ABCC9: variants seen among roughly 807,000 people sequenced by gnomAD.
ABCC9 encodes the protein ATP-binding cassette sub-family C member 9.
ABCC9 carries 95 observed loss-of-function variants against 188.3 expected under a neutral mutation model. The observed-to-expected ratio is 0.50, with a 90% CI of 0.43 to 0.60. The LOEUF is 0.60. Among genes scored for constraint, ABCC9 ranks in the 20% least tolerant of loss-of-function variants. The probability of loss-of-function intolerance (pLI) is 0.00; values close to 1 mark genes in which losing one functional copy is unlikely to be tolerated. For missense variants in ABCC9, 1,102 were observed against 1,876.3 expected (o/e 0.59, Z 7.62); for synonymous variants, 659 against 652.7 (o/e 1.01, Z -0.15).
intron 18 of ABCC9, among the ~76,000 whole-genome samples, chr12:21,865,525 G>T (rs190853959): frequency 4.7e-4 from 71 of 152,246 alleles, no homozygotes; most frequent in Non-Finnish European, 8.7e-4. Context: ...TTTGTTTTCT[G>T]TGGTATAAAT....
At chr12:21,933,658 A>G (rs1565498868) in intron 4 of ABCC9, 124 bp downstream of exon 4, 1 of 1,060,092 alleles carries the variant, frequency 9.4e-7, no homozygotes, top group Non-Finnish European at 1.4e-6. Context: ...TGCAAGAGCT[A>G]CATGGATCAG....
At position 21,872,750 on chromosome 12, in the gene ABCC9, G is replaced by A; in HGVS notation, c.2093-20C>T. 5 of 1,509,108 alleles carry A rather than the reference G, an allele frequency of 3.3e-6. No homozygotes were observed. Among genetic ancestry groups the A allele is most frequent in the Non-Finnish European group, 4.6e-6 (5 of 1,084,336 alleles). 93.5% of individuals were successfully genotyped at this position (1,509,108 alleles called of 1,614,324 possible). A position where few individuals can be genotyped will look rare whatever the true frequency, so the allele number is the denominator to read the frequency against. On this transcript the variant is annotated intron_variant, in intron 17 of 39. Transcript: ENST00000261200. Reference sequence around the variant, plus strand: ...ACTGACCTAGGAAAGCAAAACAAAGGATAACTACAGAATGAGATGGATTCT... The same window carrying A: ...ACTGACCTAGGAAAGCAAAACAAAGAATAACTACAGAATGAGATGGATTCT...
chr12:21,865,091 C>A (rs1263367553), intron 18 of ABCC9, among the ~76,000 whole-genome samples: 1 of 152,110 alleles, frequency 6.6e-6, no homozygotes, highest in Non-Finnish European at 1.5e-5. Context: ...TGAGGAAAGA[C>A]ACCTGAAGAC....
chr12:21,823,088 T>A (rs540559199), intron 31 of ABCC9, among the ~76,000 whole-genome samples: 1 of 152,232 alleles, frequency 6.6e-6, no homozygotes, highest in African/African-American at 2.4e-5. Flanking sequence ...TCCATCCAAA[T>A]GATACAATGA....
intron 14 of ABCC9, among the ~76,000 whole-genome samples, chr12:21,891,153 G>A (rs1347408469): frequency 1.3e-5 from 2 of 152,058 alleles, no homozygotes; most frequent in African/African-American, 4.8e-5. Flanking sequence ...ACTCCCTGCA[G>A]ATTTCAGTCT....
At chr12:21,829,434 C>T (rs903896586) in intron 30 of ABCC9, among the ~76,000 whole-genome samples, 2 of 152,076 alleles carry the variant, frequency 1.3e-5, no homozygotes, top group African/African-American at 2.4e-5. Context: ...ATCTCCTGAC[C>T]TTGTGATCCG....
intron 5 of ABCC9, among the ~76,000 whole-genome samples, chr12:21,917,697 C>T (rs148008392): frequency 3.9e-5 from 6 of 152,238 alleles, no homozygotes; most frequent in African/African-American, 1.2e-4. Context: ...CGAACTGAAA[C>T]GTCAAGTACT....
intron 20 of ABCC9, among the ~76,000 whole-genome samples, chr12:21,861,376 G>A (rs901899484): frequency 1.3e-5 from 2 of 151,946 alleles, no homozygotes; most frequent in South Asian, 2.1e-4. Flanking sequence ...GATTACAGAT[G>A]TGCACCACCA....
At position 21,882,793 on chromosome 12, in the gene ABCC9, GGGAC is replaced by G; in HGVS notation, c.1988_1991del (p.Arg663ProfsTer9). On this transcript the variant is annotated frameshift_variant, in exon 16 of 40. Transcript: ENST00000261200. LOFTEE classifies it high-confidence loss of function. Reference sequence around the variant, plus strand: ...TTATTGCAATGTCCTCTGTTTCTGCGGGACGTAGACGCCGTGTTGATTGCTCATA... The same window carrying G: ...TTATTGCAATGTCCTCTGTTTCTGCGGTAGACGCCGTGTTGATTGCTCATA... 1 of 1,613,514 alleles carries G rather than the reference GGGAC, an allele frequency of 6.2e-7. No individual in the cohort carries two copies. The highest frequency in any genetic ancestry group is 2.2e-5 in the East Asian group (1 of 44,868).
chr12:21,884,216 T>G (rs1781079607), intron 15 of ABCC9, among the ~76,000 whole-genome samples: 1 of 151,822 alleles, frequency 6.6e-6, no homozygotes, highest in Admixed American at 6.6e-5. Flanking sequence ...AGACTACAGG[T>G]GCATTTGCCA....
At chr12:21,842,666 G>A (rs969429740) in intron 28 of ABCC9, among the ~76,000 whole-genome samples, 195 bp from the exon 29 acceptor site, 39 of 152,050 alleles carry the variant, frequency 2.6e-4, no homozygotes, top group African/African-American at 8.7e-4. Context: ...TCAACATGTC[G>A]TTGATTAGTT....
intron 12 of ABCC9, among the ~76,000 whole-genome samples, chr12:21,904,276 T>C (rs575847409): frequency 2.0e-3 from 301 of 152,202 alleles, no homozygotes; most frequent in African/African-American, 6.6e-3. Context: ...CAAAAAATAA[T>C]TCAAAATGGA....
intron 22 of ABCC9, among the ~76,000 whole-genome samples, chr12:21,854,943 G>A (rs933203452): frequency 8.5e-5 from 13 of 152,130 alleles, no homozygotes; most frequent in African/African-American, 2.9e-4. Context: ...CAACAATGCA[G>A]CAAGGATATA....
intron 22 of ABCC9, among the ~76,000 whole-genome samples, chr12:21,855,207 ATATTTATTTATTTATT>A (rs534847124): frequency 6.6e-6 from 1 of 151,910 alleles, no homozygotes; most frequent in East Asian, 1.9e-4. Flanking sequence ...TAAAATTCTG[ATATTTATTTATTTATT>A]TATTTATTTA....
rs2137892895 is a variant in ABCC9 at position 21,913,079 on chromosome 12, A to T, written c.817-13T>A. 6.3e-7 allele frequency: 1 copy of T among 1,594,184 alleles called. No homozygotes were observed. Among genetic ancestry groups the T allele is most frequent in the Non-Finnish European group, 8.5e-7 (1 of 1,173,198 alleles). On this transcript the variant is annotated splice_polypyrimidine_tract_variant and intron_variant, in intron 7 of 39. Transcript: ENST00000261200. ...CTGCAACTTTTTTCTGAAGAAAAAAAAAAGAAAAAAAAAACAGATGTAACA... is the reference window on the plus strand; with the variant it reads ...CTGCAACTTTTTTCTGAAGAAAAAATAAAGAAAAAAAAAACAGATGTAACA...
rs1178532693 is a variant in ABCC9, at chr12:21,892,853, GCACAATTATCTCATTTT to G, written c.1802+1162_1802+1178del. ...TTTTCTCAGTAAGATATAGACACCAGCACAATTATCTCATTTTAAAAGTCTTACAAATGATGTTCTAT... is the reference window on the plus strand; with the variant it reads ...TTTTCTCAGTAAGATATAGACACCAGAAAAGTCTTACAAATGATGTTCTAT... On this transcript the variant is annotated intron_variant, in intron 14 of 39. Transcript: ENST00000261200. Among the ~76,000 whole-genome samples the G allele has an allele frequency of 3.3e-5, 5 of 152,106 alleles. No individual in the cohort carries two copies. The East Asian group carries it at 9.6e-4, about 29-fold the overall frequency.
chr12:21,828,713 T>C (rs888579933), intron 31 of ABCC9: 3 of 496,174 alleles, frequency 6.0e-6, no homozygotes, highest in Non-Finnish European at 1.1e-5. Context: ...CATTAACTTA[T>C]GTGATCTAGA....
intron 35 of ABCC9, 32 bp downstream of exon 35, chr12:21,814,598 AGGAAAGCACCAAGT>A: frequency 6.7e-7 from 1 of 1,497,826 alleles, no homozygotes; most frequent in Non-Finnish European, 9.3e-7. Flanking sequence ...GTTTTTTTAA[AGGAAAGCACCAAGT>A]GGCCACTTAA....
rs565374376 is a variant in ABCC9, at chr12:21,888,400, G to A, written c.1803-466C>T. 1.8e-4 allele frequency among the ~76,000 whole-genome samples: 27 copies of A among 152,122 alleles called. No individual in the cohort carries two copies. The East Asian group carries it at 4.8e-3, about 27-fold the overall frequency. On this transcript the variant is annotated intron_variant, in intron 14 of 39. Transcript: ENST00000261200. ...AACCATTTAGCATGTAATATGCAAG[G>A]ATCTGGAATCCTTGGCCACTGTGTA...
Sources: allele counts gnomAD v4.1 joint callset (sites outside exome capture counted in the v4.1 genomes callset), GRCh38; gene constraint gnomAD v4.1.1; transcripts MANE v1.5; gene names NCBI Gene and HGNC (gene_info 2026-07-23, HGNC 2026-07-21).